CNGB3: variants seen among roughly 807,000 people sequenced by gnomAD.
CNGB3 encodes cyclic nucleotide-gated channel beta-3.
In CNGB3, 86 loss-of-function variants were observed where a neutral mutation model predicts 92.8. That is an observed-to-expected ratio of 0.93 (90% CI 0.78 to 1.11). The LOEUF (loss-of-function observed/expected upper bound fraction) is 1.11. CNGB3 is among the 50% of genes least tolerant of loss of function. CNGB3 has a pLI of 0.00. For synonymous variants in CNGB3, 333 were observed against 332.7 expected, an observed-to-expected ratio of 1.00 and a Z score of -0.01; for missense variants, 1,026 against 956.8, an observed-to-expected ratio of 1.07 and a Z score of -0.95.
chr8:86,695,291 G>A (rs533208142), intron 3 of CNGB3, among the ~76,000 whole-genome samples: 13 of 152,152 alleles, frequency 8.5e-5, no homozygotes, highest in Non-Finnish European at 1.9e-4. Flanking sequence ...ACCGTGGAAA[G>A]AGAGGGAGAG....
At chr8:86,726,449 AG>A in intron 3 of CNGB3, 81 bp downstream of exon 3, 1 of 1,575,134 alleles carries the variant, frequency 6.3e-7, no homozygotes, top group Non-Finnish European at 8.7e-7. Context: ...ATTCAGCTAA[AG>A]GGGAGAGTGG....
intron 15 of CNGB3, among the ~76,000 whole-genome samples, chr8:86,581,465 GC>G (rs1821763796): frequency 1.3e-5 from 2 of 152,120 alleles, no homozygotes; most frequent in South Asian, 4.2e-4. Context: ...GCTCTGGCAG[GC>G]ATAGGGGAAG....
At position 86,718,543 on chromosome 8, in the gene CNGB3, A is replaced by T. The variant is rs556878173; in HGVS notation, c.338+7988T>A. 3.9e-5 allele frequency among the ~76,000 whole-genome samples: 6 copies of T among 152,290 alleles called. No homozygotes were observed. In the South Asian group the frequency reaches 1.2e-3, roughly 32 times the overall value. On this transcript the variant is annotated intron_variant, in intron 3 of 17. Coordinates refer to ENST00000320005, the MANE Select transcript of CNGB3 (RefSeq NM_019098.5). Reference sequence around the variant, plus strand: ...GGTAATAAAAAAATTGCCAAGAAAAAAAAGTCCAGGATCAGATGGATTTAC... The same window carrying T: ...GGTAATAAAAAAATTGCCAAGAAAATAAAGTCCAGGATCAGATGGATTTAC...
Position 86,667,912 on chromosome 8 carries a change from T to C in CNGB3, c.643+107A>G, listed in dbSNP as rs550607124. ...ATTTAAATTCTGCTTCCTAGTTAGA[T>C]TGAGAATATGAAGTAAGGAAAATAG... On this transcript the variant is annotated intron_variant, in intron 5 of 17. Transcript: ENST00000320005. 1.1e-5 allele frequency: 13 copies of C among 1,212,310 alleles called. No individual in the cohort carries two copies. The South Asian group carries it at 1.2e-4, about 11-fold the overall frequency. The allele number at this position is 1,212,310 out of a possible 1,614,324, so 75.1% of individuals were successfully genotyped here.
chr8:86,629,617 G>A (rs1822921398), intron 11 of CNGB3, among the ~76,000 whole-genome samples: 1 of 152,126 alleles, frequency 6.6e-6, no homozygotes, highest in Non-Finnish European at 1.5e-5. Flanking sequence ...TCATGAAATT[G>A]CAACCTCTGT....
At chr8:86,670,311 T>C (rs1823829442) in intron 4 of CNGB3, among the ~76,000 whole-genome samples, 1 of 152,128 alleles carries the variant, frequency 6.6e-6, no homozygotes, top group South Asian at 2.1e-4. Context: ...ATTTTAAATA[T>C]TTACAATAAA....
intron 2 of CNGB3, among the ~76,000 whole-genome samples, chr8:86,729,894 A>C (rs894166421): frequency 1.3e-5 from 2 of 152,210 alleles, no homozygotes; most frequent in Non-Finnish European, 2.9e-5. Context: ...TAGCTGCCCA[A>C]ATGAATAGTG....
At chr8:86,628,776 CTGTAGCATTAAACG>C (rs1361183779) in intron 12 of CNGB3, 129 bp downstream of exon 12, 2 of 852,304 alleles carry the variant, frequency 2.3e-6, no homozygotes, top group Non-Finnish European at 3.7e-6. Flanking sequence ...AAAAAAAAAC[CTGTAGCATTAAACG>C]AATGCTTTAA....
intron 15 of CNGB3, among the ~76,000 whole-genome samples, chr8:86,587,459 T>C (rs2131542178): frequency 6.6e-6 from 1 of 152,362 alleles, no homozygotes; most frequent in South Asian, 2.1e-4. Flanking sequence ...TCTAGGGTTT[T>C]GATGGTTTTA....
intron 2 of CNGB3, among the ~76,000 whole-genome samples, chr8:86,737,682 C>T (rs144809098): frequency 1.3e-5 from 2 of 152,258 alleles, no homozygotes; most frequent in Admixed American, 6.5e-5. Flanking sequence ...ATTATTTCAT[C>T]ATCAAGGGAA....
At chr8:86,639,751 A>T (rs1276748913) in intron 10 of CNGB3, among the ~76,000 whole-genome samples, 1 of 152,130 alleles carries the variant, frequency 6.6e-6, no homozygotes, top group Admixed American at 6.6e-5. Context: ...ATTATCTAAA[A>T]AGATAAGTAA....
chr8:86,654,205 CA>C (rs1563742138), intron 6 of CNGB3, 143 bp from the exon 7 acceptor site: 2 of 664,110 alleles, frequency 3.0e-6, no homozygotes, highest in East Asian at 2.7e-5. Context: ...GGTATTAAAA[CA>C]AAAAATGTTT....
chr8:86,596,964 G>C (rs1368607259), intron 15 of CNGB3, among the ~76,000 whole-genome samples: 2 of 151,850 alleles, frequency 1.3e-5, no homozygotes, highest in African/African-American at 4.8e-5. Flanking sequence ...CTCATAAGTG[G>C]GAGTTGAACA....
chr8:86,631,978 A>G (rs1180113604), intron 11 of CNGB3, among the ~76,000 whole-genome samples: 1 of 152,054 alleles, frequency 6.6e-6, no homozygotes, highest in Non-Finnish European at 1.5e-5. Flanking sequence ...CCATATCCCA[A>G]CTGCCTTCTG....
chr8:86,668,057 T>C lies in CNGB3; in HGVS notation c.605A>G (p.Lys202Arg), dbSNP rs1823778350. The C allele has an allele frequency of 1.2e-6, 2 of 1,614,108 alleles. No individual in the cohort carries two copies. Among genetic ancestry groups the C allele is most frequent in the Non-Finnish European group, 1.7e-6 (2 of 1,180,004 alleles). Residue 202 changes from lysine to arginine, a missense_variant, in exon 5 of 18, where the codon AAG becomes AGG. Physicochemically the swap from Lys to Arg is conservative, Grantham distance 26. Transcript: ENST00000320005. ...VKKMPLTEYL[K>R]RIKLPNSIDS... ...TATGCTGTTTGGAAGTTTAATTCGC[T>C]TTAAGTACTCTGTTAAAGGCATCTT...
rs527277787 is a variant in CNGB3, at chr8:86,708,657, T to G, written c.338+17874A>C. On this transcript the variant is annotated intron_variant, in intron 3 of 17. Transcript: ENST00000320005. ...ATCACGGCTCACTGTAGCCTCGACT[T>G]CCTGGGCTCAAGTGATCCTCTCGCC... Among the ~76,000 whole-genome samples the G allele has an allele frequency of 3.4e-5, 5 of 148,724 alleles. No individual in the cohort carries two copies. The South Asian group carries it at 1.1e-3, about 32-fold the overall frequency.
In CNGB3 at chr8:86,575,806, A is replaced by T; in HGVS notation, c.2428T>A (p.Ter810LysextTer6). The T allele has an allele frequency of 6.2e-7, 1 of 1,613,014 alleles. No individual in the cohort carries two copies. Among genetic ancestry groups the T allele is most frequent in the Non-Finnish European group, 8.5e-7 (1 of 1,179,106 alleles). ...CACATCTAAAGATAATCAAACATTT[A>T]TTGCTTAGCCTTTTCTTTGACTTCA... The part of the protein sequence containing the change: ...TIEVKEKAKQ[*>K] Residue 810 changes from the stop codon to lysine, a stop_lost, in exon 18 of 18, where the codon TAA (stop) becomes AAA (lysine). Transcript: ENST00000320005.
At chr8:86,637,171 T>C (rs1326261137) in intron 10 of CNGB3, among the ~76,000 whole-genome samples, 11 of 152,208 alleles carry the variant, frequency 7.2e-5, no homozygotes, top group Admixed American at 7.2e-4. Flanking sequence ...ATTTTGTTCT[T>C]TTGTTTGTGG....
intron 2 of CNGB3, among the ~76,000 whole-genome samples, chr8:86,727,258 A>G (rs1051247523): frequency 3.3e-5 from 5 of 152,308 alleles, no homozygotes; most frequent in African/African-American, 9.6e-5. Context: ...TCTTTTTGAT[A>G]TTGACAAAGC....
Sources: gnomAD v4.1 joint callset for allele counts (sites outside exome capture counted in the v4.1 genomes callset) on GRCh38, gnomAD v4.1.1 for gene constraint, MANE v1.5 for transcripts, NCBI Gene and HGNC (gene_info 2026-07-23, HGNC 2026-07-21) for gene names.